Variants in LYPD6B observed in about 807,000 individuals in gnomAD.
LYPD6B encodes ly6/PLAUR domain-containing protein 6B.
A neutral mutation model predicts 22.8 loss-of-function variants in LYPD6B; 17 were observed. The ratio of observed to expected loss-of-function variants is 0.75; its 90% CI spans 0.51 to 1.12. LYPD6B has a LOEUF of 1.12. Among genes scored for constraint, LYPD6B ranks in the 50% most tolerant of loss-of-function variants. LYPD6B has a pLI of 0.00. For missense variants in LYPD6B, 221 were observed against 258.3 expected (o/e 0.86, Z 0.99); for synonymous variants, 106 against 91.6 (o/e 1.16, Z -0.90).
At chr2:149,141,244 G>A (rs964936870) in intron 2 of LYPD6B, among the ~76,000 whole-genome samples, 4 of 152,178 alleles carry the variant, frequency 2.6e-5, no homozygotes, top group African/African-American at 7.2e-5. Context: ...GACTGTCTGG[G>A]GCAGAGCATT....
At chr2:149,183,831 A>G (rs943608342) in intron 3 of LYPD6B, among the ~76,000 whole-genome samples, 9 of 148,972 alleles carry the variant, frequency 6.0e-5, no homozygotes, top group African/African-American at 1.2e-4. Flanking sequence ...ATACATATAC[A>G]TATATGTGTA....
At chr2:149,114,249 A>G (rs990677685) in intron 1 of LYPD6B, among the ~76,000 whole-genome samples, 4 of 152,224 alleles carry the variant, frequency 2.6e-5, no homozygotes, top group African/African-American at 9.7e-5. Context: ...TTTGGAGAAA[A>G]GTCTTATCAT....
At chr2:149,067,210 G>A (rs1236351701) in intron 1 of LYPD6B, among the ~76,000 whole-genome samples, 2 of 152,044 alleles carry the variant, frequency 1.3e-5, no homozygotes, top group Non-Finnish European at 2.9e-5. Flanking sequence ...TGGTTCTTAT[G>A]CCTGCTTCAG....
Position 149,154,812 on chromosome 2 carries a change from G to C in LYPD6B, c.6-5952G>C, listed in dbSNP as rs577276921. Among the ~76,000 whole-genome samples, 4 of 152,276 alleles carry C rather than the reference G, an allele frequency of 2.6e-5. No individual in the cohort carries two copies. In the South Asian group the frequency reaches 8.3e-4, roughly 32 times the overall value. On this transcript the variant is annotated intron_variant, in intron 2 of 6. Transcript: ENST00000409642. ...CAATCAGTAATTGAGCATTCACTGA[G>C]TTTCTATTTTGTGTCCAATGCTATA...
At chr2:149,181,094 G>A (rs914362813) in intron 3 of LYPD6B, among the ~76,000 whole-genome samples, 2 of 152,060 alleles carry the variant, frequency 1.3e-5, no homozygotes, top group Non-Finnish European at 2.9e-5. Context: ...ATTTAAATGG[G>A]GGTGAGGGAC....
intron 1 of LYPD6B, among the ~76,000 whole-genome samples, chr2:149,112,892 T>C (rs1686826514): frequency 6.6e-6 from 1 of 152,200 alleles, no homozygotes; most frequent in African/African-American, 2.4e-5. Flanking sequence ...TTTCTGTGTT[T>C]GTAGAAACAA....
intron 3 of LYPD6B, among the ~76,000 whole-genome samples, chr2:149,175,023 A>ATCTCTCTCTCTCTCTC (rs142556922): frequency 5.6e-5 from 7 of 125,752 alleles, no homozygotes; most frequent in Non-Finnish European, 1.2e-4. Context: ...AATCTCTTTA[A>ATCTCTCTCTCTCTCTC]TCTCTCTCTC....
At chr2:149,087,914 G>T (rs993947543) in intron 1 of LYPD6B, among the ~76,000 whole-genome samples, 4 of 152,164 alleles carry the variant, frequency 2.6e-5, no homozygotes, top group African/African-American at 7.2e-5. Context: ...TGCTTTATTG[G>T]CAGGGTTTAT....
chr2:149,180,683 C>A (rs1320831779), intron 3 of LYPD6B, among the ~76,000 whole-genome samples: 1 of 152,224 alleles, frequency 6.6e-6, no homozygotes, highest in Non-Finnish European at 1.5e-5. Flanking sequence ...TGAGGCCCAG[C>A]CTCGCTGCCT....
intron 1 of LYPD6B, among the ~76,000 whole-genome samples, chr2:149,079,503 T>G (rs1685028031): frequency 1.3e-5 from 2 of 152,206 alleles, no homozygotes; most frequent in Admixed American, 6.5e-5. Flanking sequence ...GACTGCTGTT[T>G]TTGGAAGACA....
At chr2:149,096,305 G>A (rs906794246) in intron 1 of LYPD6B, among the ~76,000 whole-genome samples, 38 of 152,148 alleles carry the variant, frequency 2.5e-4, no homozygotes, top group African/African-American at 8.9e-4. Context: ...GAGAAAAATG[G>A]GCAGTAGGAT....
chr2:149,179,607 C>G (rs1691564834), intron 3 of LYPD6B, among the ~76,000 whole-genome samples: 1 of 152,112 alleles, frequency 6.6e-6, no homozygotes, highest in Non-Finnish European at 1.5e-5. Flanking sequence ...TTTTTTAAAC[C>G]AGGCATTCAG....
At chr2:149,213,801 G>A (rs1375066834) in intron 6 of LYPD6B, among the ~76,000 whole-genome samples, 1 of 152,152 alleles carries the variant, frequency 6.6e-6, no homozygotes, top group Non-Finnish European at 1.5e-5. Flanking sequence ...CAGTTGAAAT[G>A]GAACCTCAGG....
rs1372445477 is a variant in LYPD6B, at chr2:149,213,048, A to G, written c.385A>G (p.Ile129Val). 5 of 1,613,902 alleles carry G rather than the reference A, an allele frequency of 3.1e-6. No individual in the cohort carries two copies. Among genetic ancestry groups the G allele is most frequent in the East Asian group, 2.2e-5 (1 of 44,898 alleles). Residue 129 changes from isoleucine to valine, a missense_variant, in exon 6 of 7, where the codon ATC becomes GTC. Transcript: ENST00000409642. Reference sequence around the variant, plus strand: ...CACCAGCCACGGAAGAAGCACATCCATCACCAAAAAGTGTGCCTCCAGAAG... The same window carrying G: ...CACCAGCCACGGAAGAAGCACATCCGTCACCAAAAAGTGTGCCTCCAGAAG... ...HFTSHGRSTS[I>V]TKKCASRSEC...
rs201618713 is a variant in LYPD6B at position 149,143,513 on chromosome 2, C to CAA, written c.5+12579_5+12580dup. ...TGTTCTAACATTGCAACATGTGACGCAAAAAAAAAAAAAAAAAAAATCACA... is the reference window on the plus strand; with the variant it reads ...TGTTCTAACATTGCAACATGTGACGCAAAAAAAAAAAAAAAAAAAAAATCACA... On this transcript the variant is annotated intron_variant, in intron 2 of 6. Coordinates refer to ENST00000409642, the MANE Select transcript of LYPD6B (RefSeq NM_177964.5). Among the ~76,000 whole-genome samples the CAA allele has an allele frequency of 1.0e-2, 1,291 of 129,722 alleles. 21 individuals carry two copies. The highest frequency in any genetic ancestry group is 0.035 in the African/African-American group (1,223 of 34,986). The allele number at this position is 129,722 out of a possible 152,430, so 85.1% of individuals were successfully genotyped here. A position where few individuals can be genotyped will look rare whatever the true frequency, so the allele number is the denominator to read the frequency against.
At chr2:149,158,739 A>T (rs1420089064) in intron 2 of LYPD6B, among the ~76,000 whole-genome samples, 2 of 152,248 alleles carry the variant, frequency 1.3e-5, no homozygotes, top group Admixed American at 1.3e-4. Context: ...TGCAGAAAGC[A>T]TATTTGAGAC....
rs370076942 is a variant in LYPD6B at position 149,106,891 on chromosome 2, CT to C, written c.-66-23984del. On this transcript the variant is annotated intron_variant, in intron 1 of 6. Transcript: ENST00000409642. ...GAAGCTGAGGTAATTGATTTGAGAACTTTTTTTTCAATACCAATACAGCAGT... is the reference window on the plus strand; with the variant it reads ...GAAGCTGAGGTAATTGATTTGAGAACTTTTTTTCAATACCAATACAGCAGT... Among the ~76,000 whole-genome samples, 62 of 151,906 alleles carry C rather than the reference CT, an allele frequency of 4.1e-4. No homozygotes were observed. In the East Asian group the frequency reaches 9.1e-3, roughly 22 times the overall value.
chr2:149,143,584 A>G (rs1427229588), intron 2 of LYPD6B, among the ~76,000 whole-genome samples: 1 of 151,952 alleles, frequency 6.6e-6, no homozygotes, highest in Non-Finnish European at 1.5e-5. Flanking sequence ...GCTATGGGTG[A>G]CAATAACTTG....
At chr2:149,114,558 G>T (rs1574990781) in intron 1 of LYPD6B, among the ~76,000 whole-genome samples, 1 of 152,188 alleles carries the variant, frequency 6.6e-6, no homozygotes, top group East Asian at 1.9e-4. Context: ...GTTGAAATTT[G>T]AAGTTCAGTG....
Sources: allele counts gnomAD v4.1 joint callset (sites outside exome capture counted in the v4.1 genomes callset), GRCh38; gene constraint gnomAD v4.1.1; transcripts MANE v1.5; gene names NCBI Gene and HGNC (gene_info 2026-07-23, HGNC 2026-07-21).